PARP15: variants seen among roughly 807,000 people sequenced by gnomAD.
PARP15 encodes protein mono-ADP-ribosyltransferase PARP15.
In PARP15, 50 loss-of-function variants were observed where a neutral mutation model predicts 62.1. The observed-to-expected ratio is 0.81, with a 90% confidence interval of 0.64 to 1.02. The LOEUF (loss-of-function observed/expected upper bound fraction) is 1.02, where lower values mean the gene tolerates loss of function less well. Among genes scored for constraint, PARP15 ranks in the 50% least tolerant of loss-of-function variants. The probability of loss-of-function intolerance (pLI) is 0.00; values close to 1 mark genes in which losing one functional copy is unlikely to be tolerated. For missense variants in PARP15, 820 were observed against 826.5 expected (o/e 0.99, Z 0.10); for synonymous variants, 309 against 293.1 (o/e 1.05, Z -0.55).
rs780861053 is a variant in PARP15, at chr3:122,617,165, G to A, written c.1000+1G>A. On this transcript the variant is annotated splice_donor_variant, in intron 6 of 11. Transcript: ENST00000464300. LOFTEE classifies it high-confidence loss of function. ...GCAAGGACATTTAATCGGAAATCAG[G>A]TACTTTATTTAAGCAATATATTGTA... The A allele has an allele frequency of 4.3e-6, 7 of 1,610,524 alleles. No individual in the cohort carries two copies. Among genetic ancestry groups the A allele is most frequent in the Non-Finnish European group, 5.9e-6 (7 of 1,177,688 alleles).
intron 1 of PARP15, among the ~76,000 whole-genome samples, chr3:122,582,792 GT>G (rs2107799707): frequency 6.6e-6 from 1 of 152,070 alleles, no homozygotes; most frequent in South Asian, 2.1e-4. Flanking sequence ...TCCTCTTAAA[GT>G]TTTGCCATAG....
In PARP15 at chr3:122,596,669, T is replaced by G. The variant is rs552021566; in HGVS notation, c.187-9267T>G. Among the ~76,000 whole-genome samples the G allele has an allele frequency of 2.6e-5, 4 of 152,354 alleles. No individual in the cohort carries two copies. In the East Asian group the frequency reaches 7.7e-4, roughly 29 times the overall value. On this transcript the variant is annotated intron_variant, in intron 1 of 11. Transcript: ENST00000464300. ...AACCATTTTAAAGACAGTAACATTT[T>G]CTTGAAGGGTTTACCATGCACAAAA...
rs931332265 is a variant in PARP15 at position 122,577,868 on chromosome 3, G to C, written c.186+15G>C. 73 of 1,532,498 alleles carry C rather than the reference G, an allele frequency of 4.8e-5. No individual in the cohort carries two copies. Among genetic ancestry groups the C allele is most frequent in the Non-Finnish European group, 6.0e-5 (68 of 1,136,440 alleles). The allele number at this position is 1,532,498 out of a possible 1,614,324, so 94.9% of individuals were successfully genotyped here. A position where few individuals can be genotyped will look rare whatever the true frequency, so the allele number is the denominator to read the frequency against. On this transcript the variant is annotated intron_variant, in intron 1 of 11. Transcript: ENST00000464300. ...CCCGGAGTATGGTGAGGAGCGCGGG[G>C]GACGGGTGCGGGAAGGGGACAGCAG...
intron 3 of PARP15, among the ~76,000 whole-genome samples, chr3:122,612,064 T>C (rs1935608022): frequency 6.6e-6 from 1 of 151,516 alleles, no homozygotes; most frequent in Admixed American, 6.6e-5. Context: ...TCTTTTTTTT[T>C]CTTTTAATTG....
chr3:122,600,214 G>A (rs1174691846), intron 1 of PARP15, among the ~76,000 whole-genome samples: 1 of 152,074 alleles, frequency 6.6e-6, no homozygotes, highest in Admixed American at 6.6e-5. Flanking sequence ...CTAGTAAAAT[G>A]CATTCAAAGT....
At chr3:122,612,202 C>T (rs1156548895) in intron 3 of PARP15, among the ~76,000 whole-genome samples, 1 of 151,174 alleles carries the variant, frequency 6.6e-6, no homozygotes, top group Non-Finnish European at 1.5e-5. Flanking sequence ...ACAACAGGCA[C>T]ACATCACCAT....
At chr3:122,614,049 T>C (rs1236193781) in intron 4 of PARP15, among the ~76,000 whole-genome samples, 1 of 152,128 alleles carries the variant, frequency 6.6e-6, no homozygotes, top group African/African-American at 2.4e-5. Flanking sequence ...TTTCTCCATG[T>C]TGGCCAGGCT....
chr3:122,610,457 ATTG>A, intron 2 of PARP15, 34 bp from the exon 3 acceptor site: 1 of 1,492,498 alleles, frequency 6.7e-7, no homozygotes, highest in Non-Finnish European at 9.1e-7. Context: ...ATTATGTATT[ATTG>A]ATTCAATCTC....
intron 4 of PARP15, chr3:122,614,960 G>C (rs960225104): frequency 3.5e-5 from 21 of 598,236 alleles, no homozygotes; most frequent in Non-Finnish European, 4.2e-5. Context: ...AGTCCAGGGG[G>C]TTGAGGCTGC....
At chr3:122,590,390 A>G (rs1933806070) in intron 1 of PARP15, among the ~76,000 whole-genome samples, 1 of 151,880 alleles carries the variant, frequency 6.6e-6, no homozygotes, top group African/African-American at 2.4e-5. Flanking sequence ...CTCCTGCCTC[A>G]GCCTCCCGAG....
chr3:122,591,250 G>C (rs1225688978), intron 1 of PARP15, among the ~76,000 whole-genome samples: 1 of 152,176 alleles, frequency 6.6e-6, no homozygotes, highest in African/African-American at 2.4e-5. Flanking sequence ...ATACTTTCCA[G>C]AAGAGTGGAT....
chr3:122,631,928 A>G (rs1326315591), intron 9 of PARP15, among the ~76,000 whole-genome samples, 158 bp from the exon 10 acceptor site: 1 of 152,214 alleles, frequency 6.6e-6, no homozygotes, highest in Admixed American at 6.5e-5. Context: ...ATCTGGATTT[A>G]CTCAACTGAG....
chr3:122,622,369 C>T (rs917337783), intron 8 of PARP15, among the ~76,000 whole-genome samples: 7 of 152,178 alleles, frequency 4.6e-5, no homozygotes, highest in African/African-American at 9.6e-5. Flanking sequence ...TGGGCTTTCT[C>T]GTTTCCTCCT....
In PARP15 at chr3:122,616,998, A is replaced by G. The variant is rs1936017024; in HGVS notation, c.851-17A>G. On this transcript the variant is annotated splice_polypyrimidine_tract_variant and intron_variant, in intron 5 of 11. Coordinates refer to ENST00000464300, the MANE Select transcript of PARP15 (RefSeq NM_001113523.3). Reference sequence around the variant, plus strand: ...AGCTGAGCCAGCCCATTCTTTACCTATTTTCTTTCTTTTCAGGTGTGGTCG... The same window carrying G: ...AGCTGAGCCAGCCCATTCTTTACCTGTTTTCTTTCTTTTCAGGTGTGGTCG... The G allele has an allele frequency of 6.2e-7, 1 of 1,611,546 alleles. No individual in the cohort carries two copies. Among genetic ancestry groups the G allele is most frequent in the Non-Finnish European group, 8.5e-7 (1 of 1,178,576 alleles).
intron 1 of PARP15, among the ~76,000 whole-genome samples, chr3:122,584,183 G>C (rs537219210): frequency 6.6e-6 from 1 of 152,244 alleles, no homozygotes; most frequent in Non-Finnish European, 1.5e-5. Flanking sequence ...GTTTAAAGTG[G>C]GATAGGAAGT....
chr3:122,628,805 G>C (rs921191895), intron 9 of PARP15, among the ~76,000 whole-genome samples: 1 of 152,204 alleles, frequency 6.6e-6, no homozygotes, highest in African/African-American at 2.4e-5. Context: ...TTTGTTGTTA[G>C]AGAAAAGGAA....
intron 1 of PARP15, chr3:122,594,907 A>G (rs1325344447): frequency 1.0e-6 from 1 of 957,188 alleles, no homozygotes; most frequent in East Asian, 1.2e-4. Flanking sequence ...AATCCCAAAA[A>G]TGGAAGAGAA....
chr3:122,621,332 G>T, intron 7 of PARP15, 112 bp from the exon 8 acceptor site: 1 of 1,160,588 alleles, frequency 8.6e-7, no homozygotes, highest in East Asian at 2.5e-5. Flanking sequence ...GCTCGAGTGA[G>T]ACTGGGCTTC....
Position 122,577,827 on chromosome 3 carries a change from T to A in PARP15, c.160T>A (p.Ser54Thr). The A allele has an allele frequency of 6.5e-7, 1 of 1,549,918 alleles. No homozygotes were observed. The highest frequency in any genetic ancestry group is 8.7e-7 in the Non-Finnish European group (1 of 1,146,104). ...PAGNRGARKASRRSSSRSMSR... is the reference protein window; with the variant it reads ...PAGNRGARKATRRSSSRSMSR... ...CGGGAACCGTGGGGCGCGGAAGGCC[T>A]CCCGGCGCTCTTCCTCCCGGAGTAT... The change falls in exon 1 of 12, where the codon TCC becomes ACC. Residue 54 changes from serine to threonine, a missense_variant. By Grantham distance (58) the Ser-to-Thr change is moderately conservative. Coordinates refer to ENST00000464300, the MANE Select transcript of PARP15 (RefSeq NM_001113523.3).
Sources: allele counts gnomAD v4.1 joint callset (sites outside exome capture counted in the v4.1 genomes callset), GRCh38; gene constraint gnomAD v4.1.1; transcripts MANE v1.5; gene names NCBI Gene and HGNC (gene_info 2026-07-23, HGNC 2026-07-21).